FBXL16: variants seen among roughly 807,000 people sequenced by gnomAD.
FBXL16 encodes the protein F-box and leucine rich repeat protein 16.
In FBXL16, 7 loss-of-function variants were observed where a neutral mutation model predicts 36.7. The ratio of observed to expected loss-of-function variants is 0.19; its 90% confidence interval spans 0.11 to 0.36. FBXL16 has a LOEUF of 0.36. Ranked by LOEUF, FBXL16 falls within the 10% of genes least tolerant of loss-of-function variation. The probability of loss-of-function intolerance (pLI) is 1.00; values close to 1 mark genes in which losing one functional copy is unlikely to be tolerated. For synonymous variants in FBXL16, 355 were observed against 308.7 expected, an observed-to-expected ratio of 1.15 and a Z score of -1.57; for missense variants, 463 against 659.4, an observed-to-expected ratio of 0.70 and a Z score of 3.26.
rs1475277984 is a variant in FBXL16, at chr16:696,889, G to A, written c.517C>T (p.Leu173=). 2 of 1,610,270 alleles carry A rather than the reference G, an allele frequency of 1.2e-6. No individual in the cohort carries two copies. The highest frequency in any genetic ancestry group is 1.7e-6 in the Non-Finnish European group (2 of 1,179,092). ...ATGTCCAGGTCGGAGACGCCAACCA[G>A]GCAGAAGCCCTCGAAGCCTCTGGCG... ...FAARGFEGFC[L]VGVSDLDICE... The change falls in exon 2 of 6, where the codon CTG becomes TTG. Residue 173 remains leucine, a synonymous_variant. Coordinates refer to ENST00000397621, the MANE Select transcript of FBXL16 (RefSeq NM_153350.4).
intron 1 of FBXL16, among the ~76,000 whole-genome samples, chr16:700,047 A>C (rs886839461): frequency 6.7e-6 from 1 of 150,228 alleles, no homozygotes. Flanking sequence ...GAGGGGAGGC[A>C]GGGAGGCAGG....
intron 1 of FBXL16, among the ~76,000 whole-genome samples, chr16:702,682 G>A (rs1000610108): frequency 4.5e-4 from 68 of 152,342 alleles, no homozygotes; most frequent in African/African-American, 1.3e-3. Flanking sequence ...AACCCGGATC[G>A]TGCCATGGCC....
chr16:695,369 G>T, intron 3 of FBXL16, 46 bp downstream of exon 3: 1 of 1,366,556 alleles, frequency 7.3e-7, no homozygotes, highest in Non-Finnish European at 9.5e-7. Context: ...GCCCCGTGCA[G>T]CCCCGCCCGG....
At chr16:699,825 G>A (rs563528205) in intron 1 of FBXL16, among the ~76,000 whole-genome samples, 10 of 152,280 alleles carry the variant, frequency 6.6e-5, no homozygotes, top group African/African-American at 2.4e-4. Context: ...CCACCAAGGG[G>A]GTGTCTGAGA....
chr16:705,056 G>C (rs1176168176), intron 1 of FBXL16, among the ~76,000 whole-genome samples: 1 of 152,176 alleles, frequency 6.6e-6, no homozygotes, highest in African/African-American at 2.4e-5. Context: ...GTAGCTCAGC[G>C]CAGGCCCCGG....
At chr16:703,549 G>A (rs2040071177) in intron 1 of FBXL16, among the ~76,000 whole-genome samples, 1 of 152,214 alleles carries the variant, frequency 6.6e-6, no homozygotes, top group South Asian at 2.1e-4. Flanking sequence ...CAGCTGGGGT[G>A]GCTGGGGATT....
chr16:703,076 G>A (rs2040068315), intron 1 of FBXL16, among the ~76,000 whole-genome samples: 1 of 152,200 alleles, frequency 6.6e-6, no homozygotes. Context: ...AAAGCCCCGG[G>A]GCTGGCTGAT....
At position 694,918 on chromosome 16, in the gene FBXL16, AGT is replaced by A; in HGVS notation, c.1227+72_1227+73del. 2.1e-6 allele frequency: 3 copies of A among 1,419,396 alleles called. No individual in the cohort carries two copies. In the East Asian group the frequency reaches 7.5e-5, roughly 36 times the overall value. 87.9% of individuals were successfully genotyped at this position (1,419,396 alleles called of 1,614,324 possible). A position where few individuals can be genotyped will look rare whatever the true frequency, so the allele number is the denominator to read the frequency against. On this transcript the variant is annotated intron_variant, in intron 4 of 5. Transcript: ENST00000397621. ...GGGCCCCAGACTCTCCCAGGATCTGAGTGGGGCCGGGAGCTCTCCCCGCGCCC... is the reference window on the plus strand; with the variant it reads ...GGGCCCCAGACTCTCCCAGGATCTGAGGGGCCGGGAGCTCTCCCCGCGCCC...
rs770681151 is a variant in FBXL16 at position 694,356 on chromosome 16, C to T, written c.1359G>A (p.Glu453=). The T allele has an allele frequency of 1.3e-6, 2 of 1,533,862 alleles. No homozygotes were observed. Among genetic ancestry groups the T allele is most frequent in the South Asian group, 2.5e-5 (2 of 81,038 alleles). Residue 453 remains glutamate (E), a synonymous_variant, in exon 6 of 6, where the codon GAG becomes GAA. Coordinates refer to ENST00000397621, the MANE Select transcript of FBXL16 (RefSeq NM_153350.4). ...LVQLQELEEL[E]LTNCPGATPE... Reference sequence around the variant, plus strand: ...GGGTGGCCCCGGGGCAGTTGGTCAGCTCCAGCTCCTCCAGCTCCTGCAGCT... The same window carrying T: ...GGGTGGCCCCGGGGCAGTTGGTCAGTTCCAGCTCCTCCAGCTCCTGCAGCT...
Position 694,676 on chromosome 16 carries a change from G to A in FBXL16, c.1249C>T (p.His417Tyr). ...CCQVQDFGLK[H>Y]LLALGSLRLL... ...CGCAAACTCCCCAGGGCCAGGAGGT[G>A]CTTCAGCCCGAAGTCTTGCACCTGT... is the stretch of plus-strand genomic sequence containing the variant. Residue 417 changes from histidine to tyrosine, a missense_variant, in exon 5 of 6, where the codon CAC becomes TAC. Physicochemically the swap from His to Tyr is moderately conservative, Grantham distance 83. This residue lies in a region of FBXL16 where 134 missense variants were observed against 172.0 expected (regional missense o/e 0.78). Coordinates refer to ENST00000397621, the MANE Select transcript of FBXL16 (RefSeq NM_153350.4). 6.2e-7 allele frequency: 1 copy of A among 1,608,790 alleles called. No homozygotes were observed.
At chr16:702,949 C>T (rs556302662) in intron 1 of FBXL16, among the ~76,000 whole-genome samples, 14 of 152,378 alleles carry the variant, frequency 9.2e-5, no homozygotes, top group African/African-American at 2.2e-4. Context: ...TGGCACCACA[C>T]GCACCCCTCC....
At chr16:701,665 C>T (rs1567299856) in intron 1 of FBXL16, among the ~76,000 whole-genome samples, 1 of 152,200 alleles carries the variant, frequency 6.6e-6, no homozygotes, top group African/African-American at 2.4e-5. Flanking sequence ...ACAGAGCCCC[C>T]TTTCCTGCTT....
chr16:703,937 A>G (rs1046967516), intron 1 of FBXL16, among the ~76,000 whole-genome samples: 1 of 152,252 alleles, frequency 6.6e-6, no homozygotes, highest in South Asian at 2.1e-4. Flanking sequence ...GGCAGCTGCC[A>G]CTAACCATCA....
rs777594479 is a variant in FBXL16 at position 697,381 on chromosome 16, C to T, written c.25G>A (p.Asp9Asn). Residue 9 changes from aspartate to asparagine, a missense_variant, in exon 2 of 6, where the codon GAC (aspartate) becomes AAC (asparagine). By Grantham distance (23) the Asp-to-Asn change is conservative (BLOSUM62 1). This residue lies in a region of FBXL16 where 263 missense variants were observed against 341.1 expected (regional missense o/e 0.77). Transcript: ENST00000397621. The surrounding 1 kb of genome is among the most constrained non-coding windows in gnomAD (Gnocchi z 4.6). The part of the protein sequence containing the change: MSSPGIDG[D>N]PKPPCLPRNG... ...CGAGGCAAGCATGGAGGCTTGGGGT[C>T]GCCGTCGATGCCCGGGCTCGACATC... The T allele has an allele frequency of 8.5e-6, 13 of 1,535,612 alleles. No individual in the cohort carries two copies. The highest frequency in any genetic ancestry group is 2.7e-5 in the African/African-American group (2 of 72,876).
At chr16:703,824 C>T (rs2040072819) in intron 1 of FBXL16, among the ~76,000 whole-genome samples, 1 of 152,242 alleles carries the variant, frequency 6.6e-6, no homozygotes, top group Non-Finnish European at 1.5e-5. Flanking sequence ...GCTGGACACC[C>T]TGGGGAGTGG....
chr16:699,937 C>T (rs567715707), intron 1 of FBXL16, among the ~76,000 whole-genome samples: 1 of 152,332 alleles, frequency 6.6e-6, no homozygotes, highest in African/African-American at 2.4e-5. Context: ...CCTTCTGGGG[C>T]TACAGGGCCT....
intron 5 of FBXL16, 75 bp downstream of exon 5, chr16:694,559 C>T: frequency 3.3e-6 from 5 of 1,528,458 alleles, no homozygotes; most frequent in African/African-American, 1.4e-5. Flanking sequence ...GCACAAGGAC[C>T]GGGCAGGTTG....
intron 4 of FBXL16, 117 bp downstream of exon 4, chr16:694,875 C>A (rs894141778): frequency 2.0e-5 from 25 of 1,276,102 alleles, no homozygotes; most frequent in Non-Finnish European, 2.4e-5. Flanking sequence ...CCGCTTAGGT[C>A]GGCTGCTGGA....
chr16:702,702 G>A (rs1007331120), intron 1 of FBXL16, among the ~76,000 whole-genome samples: 26 of 152,320 alleles, frequency 1.7e-4, no homozygotes, highest in Admixed American at 3.3e-4. Context: ...CAGTGTCCGC[G>A]GGGAGAGTGG....
Sources: gnomAD v4.1 joint callset for allele counts (sites outside exome capture counted in the v4.1 genomes callset) on GRCh38, gnomAD v4.1.1 for gene constraint, gnomAD v4.1.1 regional missense constraint, Gnocchi (gnomAD v3.1) non-coding constraint, MANE v1.5 for transcripts, NCBI Gene and HGNC (gene_info 2026-07-23, HGNC 2026-07-21) for gene names.